CNGB1: variants seen among roughly 807,000 people sequenced by gnomAD.
The protein encoded by CNGB1 is cyclic nucleotide-gated channel beta-1.
A neutral mutation model predicts 151.7 loss-of-function variants in CNGB1; 126 were observed. The ratio of observed to expected loss-of-function variants is 0.83; its 90% CI spans 0.72 to 0.96. CNGB1 has a LOEUF of 0.96. CNGB1 is among the 40% of genes least tolerant of loss of function. CNGB1 has a pLI of 0.00. For missense variants in CNGB1, 1,698 were observed against 1,627.0 expected (o/e 1.04, Z -0.75); for synonymous variants, 623 against 635.1 (o/e 0.98, Z 0.29).
At chr16:57,924,698 T>C (rs1470181424) in intron 17 of CNGB1, among the ~76,000 whole-genome samples, 1 of 152,196 alleles carries the variant, frequency 6.6e-6, no homozygotes, top group Non-Finnish European at 1.5e-5. Flanking sequence ...ATCCCCAGTG[T>C]TGGCGGTGGG....
Position 57,906,991 on chromosome 16 carries a change from G to A in CNGB1, c.2493-2116C>T, listed in dbSNP as rs537922291. 2.8e-4 allele frequency among the ~76,000 whole-genome samples: 43 copies of A among 152,302 alleles called. No individual in the cohort carries two copies. In the South Asian group the frequency reaches 6.6e-3, roughly 23 times the overall value. ...CACAGCAAGCACTCCACAAATGTTC[G>A]CTTTGTAAAAGTTGTTATTCTTCAT... On this transcript the variant is annotated intron_variant, in intron 25 of 32. Transcript: ENST00000251102.
chr16:57,932,935 G>A (rs55745717), intron 16 of CNGB1, among the ~76,000 whole-genome samples: 26,455 of 151,534 alleles, frequency 0.17, 2,637 homozygotes, highest in South Asian at 0.29. Flanking sequence ...TGAGAAGGGG[G>A]GGCGGGTCTC....
intron 16 of CNGB1, among the ~76,000 whole-genome samples, chr16:57,938,534 C>T (rs1272693922): frequency 6.6e-6 from 1 of 152,140 alleles, no homozygotes; most frequent in Non-Finnish European, 1.5e-5. Flanking sequence ...ATTATTGCCC[C>T]TTTTTTCTTG....
At chr16:57,955,215 G>A (rs1567394590) in intron 12 of CNGB1, 1 of 1,534,552 alleles carries the variant, frequency 6.5e-7, no homozygotes, top group Non-Finnish European at 8.7e-7. Flanking sequence ...AGAGGGAGGG[G>A]TTCGCTGTTC....
chr16:57,944,830 T>C (rs1961761276), intron 14 of CNGB1, among the ~76,000 whole-genome samples: 1 of 151,396 alleles, frequency 6.6e-6, no homozygotes, highest in Non-Finnish European at 1.5e-5. Flanking sequence ...GGTACATGCC[T>C]GTAATCCCAG....
intron 25 of CNGB1, among the ~76,000 whole-genome samples, chr16:57,906,947 G>A (rs1960567531): frequency 6.6e-6 from 1 of 152,130 alleles, no homozygotes; most frequent in Non-Finnish European, 1.5e-5. Flanking sequence ...TAGGAGCTCG[G>A]GACCCTGAGC....
At chr16:57,945,383 C>T (rs1424639618) in intron 14 of CNGB1, among the ~76,000 whole-genome samples, 11 of 152,190 alleles carry the variant, frequency 7.2e-5, no homozygotes, top group Non-Finnish European at 1.6e-4. Context: ...AATGAACTGC[C>T]CACAGGCCCA....
intron 17 of CNGB1, among the ~76,000 whole-genome samples, chr16:57,924,134 G>A (rs1182092675): frequency 6.6e-6 from 1 of 152,150 alleles, no homozygotes. Context: ...TGGAGCCTGG[G>A]TGTCTGACTT....
chr16:57,933,657 C>A (rs1204599139), intron 16 of CNGB1, among the ~76,000 whole-genome samples: 1 of 151,888 alleles, frequency 6.6e-6, no homozygotes, highest in African/African-American at 2.4e-5. Flanking sequence ...CCCCCAAAAG[C>A]GGGAAGCAGG....
chr16:57,949,541 C>T, intron 13 of CNGB1, 102 bp from the exon 14 acceptor site: 1 of 1,584,002 alleles, frequency 6.3e-7, no homozygotes, highest in East Asian at 2.2e-5. Context: ...ACACCTGAGC[C>T]CAGACCTGGA....
Position 57,911,884 on chromosome 16 carries a change from G to A in CNGB1, c.2370-9C>T, listed in dbSNP as rs374373659. On this transcript the variant is annotated splice_polypyrimidine_tract_variant and intron_variant, in intron 24 of 32. Coordinates refer to ENST00000251102, the MANE Select transcript of CNGB1 (RefSeq NM_001297.5). ...CTGTGGTCCTGATGACCCTGCAGAA[G>A]GAACACAGCGCATGAACACAGCGGC... is the stretch of plus-strand genomic sequence containing the variant. 966 of 1,613,040 alleles carry A rather than the reference G, an allele frequency of 6.0e-4. 5 individuals carry two copies. Among genetic ancestry groups the A allele is most frequent in the Non-Finnish European group, 7.3e-4 (860 of 1,179,456 alleles).
intron 25 of CNGB1, among the ~76,000 whole-genome samples, chr16:57,905,542 G>A (rs979953117): frequency 6.6e-6 from 1 of 152,236 alleles, no homozygotes; most frequent in African/African-American, 2.4e-5. Context: ...TGTGGTAAAA[G>A]GCATAGGAAA....
chr16:57,911,875 C>A lies in CNGB1; in HGVS notation c.2370G>T (p.Arg790Ser). The change falls in exon 25 of 33, where the codon AGG becomes AGT. Residue 790 changes from arginine to serine, a missense_variant and splice_region_variant. Arg to Ser is a moderately radical substitution (Grantham distance 110, BLOSUM62 -1). Coordinates refer to ENST00000251102, the MANE Select transcript of CNGB1 (RefSeq NM_001297.5). ...GAAGGTAGGCTGTGGTCCTGATGAC[C>A]CTGCAGAAGGAACACAGCGCATGAA... is the stretch of plus-strand genomic sequence containing the variant. ...ESILSKAYVY[R>S]VIRTTAYLLY... The A allele has an allele frequency of 6.2e-7, 1 of 1,613,380 alleles. No homozygotes were observed. Among genetic ancestry groups the A allele is most frequent in the South Asian group, 1.1e-5 (1 of 91,010 alleles).
chr16:57,939,601 A>T lies in CNGB1; in HGVS notation c.1210-9T>A, dbSNP rs757041543. ...ACTTCCTCCCACAGCTTCTGCAGAG[A>T]ATAAAGTGAAAACAGAAACTGTGAC... is the stretch of plus-strand genomic sequence containing the variant. On this transcript the variant is annotated splice_polypyrimidine_tract_variant and intron_variant, in intron 15 of 32. Transcript: ENST00000251102. The T allele has an allele frequency of 4.0e-5, 65 of 1,614,046 alleles. No individual in the cohort carries two copies. Among genetic ancestry groups the T allele is most frequent in the Non-Finnish European group, 5.4e-5 (64 of 1,180,038 alleles).
intron 31 of CNGB1, among the ~76,000 whole-genome samples, chr16:57,888,616 C>T (rs556324892): frequency 1.4e-4 from 22 of 152,216 alleles, no homozygotes; most frequent in African/African-American, 5.3e-4. Context: ...TGCACCACCA[C>T]AATTTTTTAT....
chr16:57,950,272 G>A (rs1961914351), intron 13 of CNGB1, 109 bp downstream of exon 13: 1 of 1,340,150 alleles, frequency 7.5e-7, no homozygotes, highest in East Asian at 2.3e-5. Flanking sequence ...GCAGGGGGAA[G>A]CAGGCTTGGT....
At chr16:57,891,814 C>T (rs1960099258) in intron 31 of CNGB1, among the ~76,000 whole-genome samples, 1 of 152,136 alleles carries the variant, frequency 6.6e-6, no homozygotes, top group South Asian at 2.1e-4. Context: ...ACCTCAGCCT[C>T]CCAAAGTGCT....
chr16:57,943,031 A>G, intron 14 of CNGB1, among the ~76,000 whole-genome samples: 1 of 152,166 alleles, frequency 6.6e-6, no homozygotes, highest in East Asian at 1.9e-4. Flanking sequence ...GCAAAAATAT[A>G]CAAAATGGGA....
intron 16 of CNGB1, among the ~76,000 whole-genome samples, chr16:57,933,911 C>G (rs937689261): frequency 6.6e-6 from 1 of 151,818 alleles, no homozygotes; most frequent in African/African-American, 2.4e-5. Context: ...TTAGTGGAGA[C>G]GGGGTTTCAC....
Sources: gnomAD v4.1 joint callset for allele counts (sites outside exome capture counted in the v4.1 genomes callset) on GRCh38, gnomAD v4.1.1 for gene constraint, MANE v1.5 for transcripts, NCBI Gene and HGNC (gene_info 2026-07-23, HGNC 2026-07-21) for gene names.